The following MICAL3 variants were observed in gnomAD, a reference collection of about 807,000 sequenced individuals.
The protein encoded by MICAL3 is microtubule associated monooxygenase, calponin and LIM domain containing 3.
MICAL3 carries 62 observed loss-of-function variants against 207.4 expected under a neutral mutation model. That is an observed-to-expected ratio of 0.30 (90% CI 0.24 to 0.37). MICAL3 has a LOEUF of 0.37. MICAL3 is among the 10% of genes least tolerant of loss of function. The pLI is 1.00. For missense variants in MICAL3, 2,368 were observed against 2,635.6 expected (o/e 0.90, Z 2.22); for synonymous variants, 1,077 against 1,069.3 (o/e 1.01, Z -0.14).
intron 11 of MICAL3, 51 bp downstream of exon 11, chr22:17,893,757 A>C: frequency 7.6e-7 from 1 of 1,316,016 alleles, no homozygotes; most frequent in South Asian, 1.3e-5. Context: ...ATGAGTATAG[A>C]CTTCTCTGAA....
intron 1 of MICAL3, among the ~76,000 whole-genome samples, chr22:17,952,771 T>C (rs913032851): frequency 2.6e-5 from 4 of 152,098 alleles, no homozygotes; most frequent in African/African-American, 9.7e-5. Context: ...AAAAGGCTGG[T>C]CTATGCATGA....
At chr22:17,998,343 G>C (rs1174758255) in intron 1 of MICAL3, among the ~76,000 whole-genome samples, 1 of 81,402 alleles carries the variant, frequency 1.2e-5, no homozygotes, top group East Asian at 2.1e-4. Context: ...TCAAATCCCA[G>C]TTCAGGGACC....
At chr22:17,797,471 G>A (rs373915541) in intron 29 of MICAL3, among the ~76,000 whole-genome samples, 25 of 152,276 alleles carry the variant, frequency 1.6e-4, no homozygotes, top group African/African-American at 5.5e-4. Flanking sequence ...TCCAGCCTGG[G>A]TGAGTGAGAC....
intron 1 of MICAL3, among the ~76,000 whole-genome samples, chr22:18,003,409 G>A (rs941949908): frequency 6.6e-6 from 1 of 151,872 alleles, no homozygotes; most frequent in African/African-American, 2.4e-5. Flanking sequence ...ACAAAACTTC[G>A]ATTAATAATT....
At chr22:17,855,250 A>G (rs1438042350) in intron 19 of MICAL3, among the ~76,000 whole-genome samples, 1 of 152,248 alleles carries the variant, frequency 6.6e-6, no homozygotes, top group Admixed American at 6.5e-5. Context: ...GTCCATATTC[A>G]GCACAAAAAG....
At chr22:17,942,951 A>G (rs991545297) in intron 1 of MICAL3, among the ~76,000 whole-genome samples, 3 of 152,234 alleles carry the variant, frequency 2.0e-5, no homozygotes. Context: ...CAGGCCCTTC[A>G]GAACACAGGC....
rs1601901590 is a variant in MICAL3 at position 17,788,290 on chromosome 22, A to C, written c.*2442T>G. On this transcript the variant is annotated 3_prime_UTR_variant, in exon 32 of 32. Coordinates refer to ENST00000441493, the MANE Select transcript of MICAL3 (RefSeq NM_015241.3). Reference sequence around the variant, plus strand: ...CGCCTCTCTGCAAAGGCTCGGGTCCACCTTCCAGACTGCAGGCTGCCGTGT... The same window carrying C: ...CGCCTCTCTGCAAAGGCTCGGGTCCCCCTTCCAGACTGCAGGCTGCCGTGT... 1 of 152,402 alleles carries C rather than the reference A, an allele frequency of 6.6e-6. No individual in the cohort carries two copies. The highest frequency in any genetic ancestry group is 1.9e-4 in the East Asian group (1 of 5,184). 9.4% of individuals were successfully genotyped at this position (152,402 alleles called of 1,614,324 possible). A position where few individuals can be genotyped will look rare whatever the true frequency, so the allele number is the denominator to read the frequency against.
intron 1 of MICAL3, among the ~76,000 whole-genome samples, chr22:17,979,800 A>C (rs980155734): frequency 3.1e-4 from 47 of 151,906 alleles, no homozygotes; most frequent in African/African-American, 1.1e-3. Context: ...AAAACAAAAA[A>C]AAAACCCACA....
chr22:17,804,070 C>A (rs1340599499), intron 29 of MICAL3, among the ~76,000 whole-genome samples: 1 of 152,178 alleles, frequency 6.6e-6, no homozygotes, highest in Non-Finnish European at 1.5e-5. Flanking sequence ...CTGCATACTG[C>A]GTGGCTGCGG....
At chr22:17,997,294 G>A (rs969912880) in intron 1 of MICAL3, among the ~76,000 whole-genome samples, 8 of 151,992 alleles carry the variant, frequency 5.3e-5, no homozygotes, top group Admixed American at 2.0e-4. Context: ...AAACTACTGG[G>A]CTCAAGCAAT....
At chr22:17,856,639 G>C (rs1286856186) in intron 19 of MICAL3, among the ~76,000 whole-genome samples, 2 of 137,074 alleles carry the variant, frequency 1.5e-5, no homozygotes, top group African/African-American at 5.6e-5. Flanking sequence ...TTTTGAGACG[G>C]AGTCTCGCTC....
intron 1 of MICAL3, among the ~76,000 whole-genome samples, chr22:17,947,166 C>T (rs1602269026): frequency 6.6e-6 from 1 of 152,344 alleles, no homozygotes; most frequent in South Asian, 2.1e-4. Context: ...CTCCCCACTT[C>T]GTTCTCCCAG....
intron 16 of MICAL3, chr22:17,875,426 G>GT: frequency 6.8e-7 from 1 of 1,461,948 alleles, no homozygotes; most frequent in Non-Finnish European, 9.2e-7. Context: ...CAGAGTTTTA[G>GT]TGAGTCCTAG....
At chr22:17,921,205 T>C (rs920820429) in intron 1 of MICAL3, among the ~76,000 whole-genome samples, 33 of 152,240 alleles carry the variant, frequency 2.2e-4, no homozygotes, top group South Asian at 2.1e-3. Flanking sequence ...CTCTGCTCTA[T>C]TGTCTATGTT....
rs1569162252 is a variant in MICAL3, at chr22:17,998,550, T to TAATA, written c.-75+25730_-75+25731insTATT. Among the ~76,000 whole-genome samples the TAATA allele has an allele frequency of 9.1e-5, 13 of 143,418 alleles. No homozygotes were observed. In the East Asian group the frequency reaches 1.4e-3, roughly 16 times the overall value. The allele number at this position is 143,418 out of a possible 152,430, so 94.1% of individuals were successfully genotyped here. On this transcript the variant is annotated intron_variant, in intron 1 of 31. Transcript: ENST00000441493. ...TCCAGAGCATAATAATAATAATAATTATTATTATTATTATTTTTTTTTTGA... is the reference window on the plus strand; with the variant it reads ...TCCAGAGCATAATAATAATAATAATTAATAATTATTATTATTATTTTTTTTTTGA...
chr22:17,939,951 C>A lies in MICAL3; in HGVS notation c.-74-33065G>T, dbSNP rs546932757. ...TTTTCCGCAGGCACAGAAGTATGTA[C>A]ATACTGTATTTACTGAAGATACTAA... On this transcript the variant is annotated intron_variant, in intron 1 of 31. Coordinates refer to ENST00000441493, the MANE Select transcript of MICAL3 (RefSeq NM_015241.3). Among the ~76,000 whole-genome samples the A allele has an allele frequency of 3.3e-5, 5 of 152,314 alleles. No homozygotes were observed. In the South Asian group the frequency reaches 1.0e-3, roughly 32 times the overall value.
intron 1 of MICAL3, among the ~76,000 whole-genome samples, chr22:17,939,013 T>C (rs779294037): frequency 6.6e-6 from 1 of 152,072 alleles, no homozygotes; most frequent in African/African-American, 2.4e-5. Context: ...TATGGAGAGG[T>C]GGAGCCTTCA....
intron 16 of MICAL3, among the ~76,000 whole-genome samples, chr22:17,880,363 C>T (rs1450683587): frequency 6.6e-6 from 1 of 152,248 alleles, no homozygotes; most frequent in East Asian, 1.9e-4. Flanking sequence ...ACTGAGCGTG[C>T]TTTCCAGGCG....
At chr22:17,943,636 C>T (rs1933914419) in intron 1 of MICAL3, among the ~76,000 whole-genome samples, 2 of 152,262 alleles carry the variant, frequency 1.3e-5, no homozygotes, top group African/African-American at 4.8e-5. Context: ...CGATGTGCAG[C>T]CATGGCTCTG....
Sources: allele counts gnomAD v4.1 joint callset (sites outside exome capture counted in the v4.1 genomes callset), GRCh38; gene constraint gnomAD v4.1.1; transcripts MANE v1.5; gene names NCBI Gene and HGNC (gene_info 2026-07-23, HGNC 2026-07-21).